Variants in UNC13C observed in about 807,000 individuals in gnomAD.
The protein encoded by UNC13C is protein unc-13 homolog C.
Under a neutral mutation model 245.4 loss-of-function variants are expected in UNC13C, and 174 were observed. That is an observed-to-expected ratio of 0.71 (90% CI 0.63 to 0.80). The LOEUF (loss-of-function observed/expected upper bound fraction) is 0.80, where lower values mean the gene tolerates loss of function less well. Ranked by LOEUF, UNC13C falls within the 30% of genes least tolerant of loss-of-function variation. The pLI is 0.00. For synonymous variants in UNC13C, 992 were observed against 895.1 expected (o/e 1.11, Z -1.93); for missense variants, 2,829 against 2,602.9 (o/e 1.09, Z -1.89).
intron 22 of UNC13C, among the ~76,000 whole-genome samples, chr15:54,505,163 CTGTT>C (rs1304666924): frequency 6.6e-6 from 1 of 152,150 alleles, no homozygotes; most frequent in Non-Finnish European, 1.5e-5. Context: ...CCCTGCTAGG[CTGTT>C]TGTTCCCTCT....
chr15:54,304,942 G>A (rs1431889989), intron 13 of UNC13C, among the ~76,000 whole-genome samples: 3 of 151,860 alleles, frequency 2.0e-5, no homozygotes, highest in South Asian at 2.1e-4. Flanking sequence ...AAAAATATAC[G>A]TGTACTCATT....
chr15:54,064,000 A>G (rs1897961277), intron 2 of UNC13C, among the ~76,000 whole-genome samples: 1 of 152,124 alleles, frequency 6.6e-6, no homozygotes, highest in African/African-American at 2.4e-5. Flanking sequence ...CCAGGTGAAA[A>G]CAGGAGATGG....
At chr15:53,953,019 G>A in the UNC13C span, among the ~76,000 whole-genome samples, 1 of 152,098 alleles carries the variant, frequency 6.6e-6, no homozygotes. Context: ...TTCTATGTTC[G>A]AAACCTGAAG....
At chr15:54,422,582 T>G (rs1274327416) in intron 19 of UNC13C, among the ~76,000 whole-genome samples, 1 of 151,988 alleles carries the variant, frequency 6.6e-6, no homozygotes, top group African/African-American at 2.4e-5. Context: ...GTAGCCACAC[T>G]GTCCTCATGA....
rs190728753 is a variant in UNC13C at position 54,229,259 on chromosome 15, G to A, written c.3072-5771G>A. Among the ~76,000 whole-genome samples the A allele has an allele frequency of 6.6e-5, 10 of 152,260 alleles. No individual in the cohort carries two copies. In the East Asian group the frequency reaches 1.5e-3, roughly 24 times the overall value. On this transcript the variant is annotated intron_variant, in intron 4 of 32. Transcript: ENST00000260323. ...TGAGGGGTGGCATCAGTAATTATACGGTGTCATTCCGATTCTCTCCAGTGC... is the reference window on the plus strand; with the variant it reads ...TGAGGGGTGGCATCAGTAATTATACAGTGTCATTCCGATTCTCTCCAGTGC...
chr15:54,258,602 C>A (rs917031437), intron 8 of UNC13C, among the ~76,000 whole-genome samples: 1 of 152,112 alleles, frequency 6.6e-6, no homozygotes, highest in African/African-American at 2.4e-5. Context: ...CTCCTGACCT[C>A]AAGTGATCTG....
intron 19 of UNC13C, among the ~76,000 whole-genome samples, chr15:54,458,603 A>G (rs943637821): frequency 5.5e-5 from 8 of 146,102 alleles, no homozygotes; most frequent in African/African-American, 2.0e-4. Context: ...TAGAATTGTG[A>G]TATTTCCTAT....
At chr15:53,854,985 T>C in the UNC13C span, among the ~76,000 whole-genome samples, 10 of 152,200 alleles carry the variant, frequency 6.6e-5, no homozygotes, top group Admixed American at 6.5e-5. Context: ...CAGTGGTTTG[T>C]AGTTCTCCTT....
intron 2 of UNC13C, among the ~76,000 whole-genome samples, chr15:54,036,169 G>T (rs73416915): frequency 0.023 from 3,425 of 152,178 alleles, 124 homozygotes; most frequent in South Asian, 0.13. Context: ...GAAATTAACC[G>T]CAAGTTGTTA....
At chr15:54,605,201 C>A (rs1451554489) in intron 30 of UNC13C, among the ~76,000 whole-genome samples, 1 of 152,158 alleles carries the variant, frequency 6.6e-6, no homozygotes, top group Non-Finnish European at 1.5e-5. Flanking sequence ...CAATCAGCAA[C>A]CAATTTGTCT....
At chr15:54,152,608 C>T (rs986813363) in intron 4 of UNC13C, among the ~76,000 whole-genome samples, 1 of 152,090 alleles carries the variant, frequency 6.6e-6, no homozygotes, top group African/African-American at 2.4e-5. Context: ...TTTATGAAGG[C>T]AGTGTTTGAG....
chr15:54,470,075 T>C (rs1051398180), intron 19 of UNC13C, among the ~76,000 whole-genome samples: 1 of 151,710 alleles, frequency 6.6e-6, no homozygotes, highest in Non-Finnish European at 1.5e-5. Flanking sequence ...GATTTACATA[T>C]ATTGTACCAT....
At chr15:54,278,049 C>A (rs1348339682) in intron 10 of UNC13C, among the ~76,000 whole-genome samples, 1 of 152,048 alleles carries the variant, frequency 6.6e-6, no homozygotes, top group African/African-American at 2.4e-5. Flanking sequence ...TGGCATGCAA[C>A]TCAAAAATAA....
At chr15:54,459,520 AG>A (rs1246508897) in intron 19 of UNC13C, among the ~76,000 whole-genome samples, 6 of 152,172 alleles carry the variant, frequency 3.9e-5, no homozygotes, top group Non-Finnish European at 1.5e-5. Flanking sequence ...CTTCCTCCGC[AG>A]GAACACCAAT....
At chr15:53,932,049 C>A in the UNC13C span, among the ~76,000 whole-genome samples, 1 of 152,014 alleles carries the variant, frequency 6.6e-6, no homozygotes, top group Admixed American at 6.5e-5. Context: ...AGTGGCTCAC[C>A]CCTGTAATCC....
chr15:54,541,967 C>T (rs981038048), intron 26 of UNC13C, among the ~76,000 whole-genome samples: 9 of 151,934 alleles, frequency 5.9e-5, no homozygotes, highest in African/African-American at 1.4e-4. Context: ...AAATACACAT[C>T]GGGGTGAGGG....
At chr15:54,073,910 T>C (rs1388073599) in intron 2 of UNC13C, among the ~76,000 whole-genome samples, 2 of 152,220 alleles carry the variant, frequency 1.3e-5, no homozygotes, top group African/African-American at 4.8e-5. Context: ...ATTTTAGCTT[T>C]TGTTGCCGTT....
At chr15:54,300,506 G>A (rs2037551469) in intron 13 of UNC13C, 133 bp downstream of exon 13, 1 of 865,286 alleles carries the variant, frequency 1.2e-6, no homozygotes, top group Non-Finnish European at 1.7e-6. Flanking sequence ...CATGTTTGAT[G>A]CTGACTACTC....
At chr15:54,503,788 GTGAC>G (rs760248957) in intron 22 of UNC13C, among the ~76,000 whole-genome samples, 27 of 152,198 alleles carry the variant, frequency 1.8e-4, no homozygotes, top group Non-Finnish European at 2.8e-4. Flanking sequence ...TTCATCAGAT[GTGAC>G]TGACTAATTA....
Sources: allele counts gnomAD v4.1 joint callset (sites outside exome capture counted in the v4.1 genomes callset), GRCh38; gene constraint gnomAD v4.1.1; transcripts MANE v1.5; gene names NCBI Gene and HGNC (gene_info 2026-07-23, HGNC 2026-07-21).